Variants in MYO18B observed in about 807,000 individuals in gnomAD.
MYO18B encodes myosin XVIIIB.
MYO18B carries 204 observed loss-of-function variants against 273.0 expected under a neutral mutation model. That is an observed-to-expected ratio of 0.75 (90% CI 0.67 to 0.84). The LOEUF is 0.84. Among genes scored for constraint, MYO18B ranks in the 40% least tolerant of loss-of-function variants. MYO18B has a pLI of 0.00. For synonymous variants in MYO18B, 1,330 were observed against 1,305.7 expected, an observed-to-expected ratio of 1.02 and a Z score of -0.40; for missense variants, 3,212 against 3,287.6, an observed-to-expected ratio of 0.98 and a Z score of 0.56.
intron 39 of MYO18B, among the ~76,000 whole-genome samples, chr22:25,986,797 C>T (rs9620578): frequency 0.029 from 4,483 of 152,228 alleles, 224 homozygotes; most frequent in African/African-American, 0.1. Flanking sequence ...CTAATAAATA[C>T]GTCCTTAATA....
intron 39 of MYO18B, among the ~76,000 whole-genome samples, chr22:25,976,265 C>G (rs1184085799): frequency 6.6e-6 from 1 of 152,196 alleles, no homozygotes; most frequent in Non-Finnish European, 1.5e-5. Flanking sequence ...CAAGACACTG[C>G]TCAGTGTCTT....
intron 12 of MYO18B, among the ~76,000 whole-genome samples, chr22:25,800,478 A>G (rs1455811381): frequency 2.0e-5 from 3 of 152,240 alleles, no homozygotes; most frequent in Non-Finnish European, 4.4e-5. Flanking sequence ...ATGTGGGAAC[A>G]TGTTGCATAT....
chr22:25,767,773 A>G (rs983332063), intron 3 of MYO18B, among the ~76,000 whole-genome samples: 2 of 152,220 alleles, frequency 1.3e-5, no homozygotes, highest in African/African-American at 4.8e-5. Context: ...CCTGCAAGGT[A>G]GGCTTTTATC....
chr22:25,861,143 C>G (rs1379949727), intron 21 of MYO18B, among the ~76,000 whole-genome samples: 1 of 152,178 alleles, frequency 6.6e-6, no homozygotes, highest in Non-Finnish European at 1.5e-5. Flanking sequence ...CTCAGTGTCC[C>G]AAAGTCCTGG....
Position 25,844,251 on chromosome 22 carries a change from C to T in MYO18B, c.3368+357C>T, listed in dbSNP as rs193290518. ...AGGGGTTCATAAAACTGAAATGATACGTTTTGTAGCGTTAAAAAAAAGCTC... is the reference window on the plus strand; with the variant it reads ...AGGGGTTCATAAAACTGAAATGATATGTTTTGTAGCGTTAAAAAAAAGCTC... On this transcript the variant is annotated intron_variant, in intron 18 of 43. Transcript: ENST00000335473. 2.7e-3 allele frequency among the ~76,000 whole-genome samples: 406 copies of T among 152,260 alleles called. 5 individuals carry two copies. The highest frequency in any genetic ancestry group is 3.7e-3 in the Non-Finnish European group (251 of 68,016).
rs141016560 is a variant in MYO18B at position 25,987,678 on chromosome 22, T to C, written c.6157-4685T>C. Among the ~76,000 whole-genome samples the C allele has an allele frequency of 1.6e-3, 251 of 152,186 alleles. 1 individual carries two copies. The highest frequency in any genetic ancestry group is 5.7e-3 in the African/African-American group (236 of 41,510). On this transcript the variant is annotated intron_variant, in intron 39 of 43. Transcript: ENST00000335473. ...TGCAAGAACATAAGCTCTGTGGAAGTGAGGACTTTATTTGTATTGCCGGCA... is the reference window on the plus strand; with the variant it reads ...TGCAAGAACATAAGCTCTGTGGAAGCGAGGACTTTATTTGTATTGCCGGCA...
chr22:26,057,094 A>G, the MYO18B span, among the ~76,000 whole-genome samples: 3 of 152,078 alleles, frequency 2.0e-5, no homozygotes, highest in African/African-American at 7.2e-5. Context: ...TCAGAGGACA[A>G]CCGTCCCCTG....
At chr22:25,800,182 G>T (rs2088128881) in intron 12 of MYO18B, among the ~76,000 whole-genome samples, 1 of 152,130 alleles carries the variant, frequency 6.6e-6, no homozygotes, top group African/African-American at 2.4e-5. Flanking sequence ...GGGGACTCAG[G>T]AGGGGGAGGT....
intron 3 of MYO18B, among the ~76,000 whole-genome samples, chr22:25,764,926 A>G (rs2086451640): frequency 7.1e-6 from 1 of 141,714 alleles, no homozygotes; most frequent in African/African-American, 2.7e-5. Flanking sequence ...ATCAGACCAG[A>G]TAGAGGCAGA....
chr22:25,971,120 A>G (rs1402945048), intron 39 of MYO18B, among the ~76,000 whole-genome samples: 1 of 152,242 alleles, frequency 6.6e-6, no homozygotes, highest in African/African-American at 2.4e-5. Context: ...CTGTCGCAGC[A>G]CAAAAGCAGC....
In MYO18B at chr22:25,895,294, A is replaced by T. The variant is rs1442258361; in HGVS notation, c.4668+14A>T. ...CTGGAGCAAAAGGTAAGATGTGGGG[A>T]TAGTCTGGGCCACAGAAGTGTTAGA... On this transcript the variant is annotated intron_variant, in intron 28 of 43. Coordinates refer to ENST00000335473, the MANE Select transcript of MYO18B (RefSeq NM_032608.7). 6.3e-7 allele frequency: 1 copy of T among 1,586,348 alleles called. No homozygotes were observed. Among genetic ancestry groups the T allele is most frequent in the Admixed American group, 1.8e-5 (1 of 55,660 alleles).
At chr22:25,991,271 C>A (rs1347980631) in intron 39 of MYO18B, among the ~76,000 whole-genome samples, 3 of 152,086 alleles carry the variant, frequency 2.0e-5, no homozygotes, top group Non-Finnish European at 4.4e-5. Flanking sequence ...GAATTAATTA[C>A]CAGGAGGTTA....
rs1184608239 is a variant in MYO18B, at chr22:25,777,645, C to G, written c.1932C>G (p.Tyr644Ter). Residue 644 changes from tyrosine (Y) to a stop codon, truncating the protein, a stop_gained, in exon 8 of 44, where the codon TAC (tyrosine) becomes TAG (stop). Transcript: ENST00000335473. LOFTEE classifies it high-confidence loss of function. Reference sequence around the variant, plus strand: ...TTGGCTCCATGGCACAGCGGGCATACTGGGCGCTGCTGAACCAGCGGAGAG... The same window carrying G: ...TTGGCTCCATGGCACAGCGGGCATAGTGGGCGCTGCTGAACCAGCGGAGAG... ...AHIGSMAQRA[Y>*]WALLNQRRDQ... 1.2e-6 allele frequency: 2 copies of G among 1,612,110 alleles called. No individual in the cohort carries two copies. Among genetic ancestry groups the G allele is most frequent in the Non-Finnish European group, 1.7e-6 (2 of 1,179,004 alleles).
chr22:25,894,943 A>C, intron 27 of MYO18B: 2 of 541,510 alleles, frequency 3.7e-6, no homozygotes, highest in South Asian at 4.8e-5. Flanking sequence ...AACTTTAGAC[A>C]GTTGGAGGTG....
intron 31 of MYO18B, among the ~76,000 whole-genome samples, chr22:25,907,990 G>T (rs984053788): frequency 2.0e-5 from 3 of 147,776 alleles, no homozygotes; most frequent in African/African-American, 7.5e-5. Context: ...CCGAGATTGC[G>T]CCGTGGCACT....
intron 3 of MYO18B, among the ~76,000 whole-genome samples, chr22:25,765,692 A>G (rs2086479120): frequency 6.6e-6 from 1 of 151,892 alleles, no homozygotes; most frequent in African/African-American, 2.4e-5. Flanking sequence ...ATATGCTAAA[A>G]AGGGTGGCAG....
At chr22:25,865,498 G>A (rs2090859886) in intron 21 of MYO18B, among the ~76,000 whole-genome samples, 1 of 152,230 alleles carries the variant, frequency 6.6e-6, no homozygotes, top group Non-Finnish European at 1.5e-5. Context: ...GACCAAAACA[G>A]AGGTGACTAT....
intron 17 of MYO18B, among the ~76,000 whole-genome samples, chr22:25,838,881 A>G (rs2089988920): frequency 6.6e-6 from 1 of 151,928 alleles, no homozygotes. Flanking sequence ...GTGTATATAT[A>G]TATATATATC....
intron 12 of MYO18B, among the ~76,000 whole-genome samples, chr22:25,810,782 A>G (rs925316208): frequency 6.6e-6 from 1 of 152,112 alleles, no homozygotes; most frequent in African/African-American, 2.4e-5. Context: ...AATTGAACAG[A>G]AAGTACAAAA....
Sources: allele counts gnomAD v4.1 joint callset (sites outside exome capture counted in the v4.1 genomes callset), GRCh38; gene constraint gnomAD v4.1.1; transcripts MANE v1.5; gene names NCBI Gene and HGNC (gene_info 2026-07-23, HGNC 2026-07-21).